The following TVP23A variants were observed in gnomAD, a reference collection of about 807,000 sequenced individuals.
TVP23A encodes trans-golgi network vesicle protein 23 homolog A.
TVP23A carries 21 observed loss-of-function variants against 31.7 expected under a neutral mutation model. The observed-to-expected ratio is 0.66, with a 90% confidence interval of 0.47 to 0.95. The LOEUF is 0.95. Ranked by LOEUF, TVP23A falls within the 40% of genes least tolerant of loss-of-function variation. The pLI is 0.00. For missense variants in TVP23A, 279 were observed against 255.6 expected (o/e 1.09, Z -0.62); for synonymous variants, 104 against 96.0 (o/e 1.08, Z -0.49).
chr16:10,783,542 G>T (rs1444927407), intron 2 of TVP23A, among the ~76,000 whole-genome samples: 3 of 152,086 alleles, frequency 2.0e-5, no homozygotes, highest in Non-Finnish European at 4.4e-5. Flanking sequence ...CGGGCGTGGT[G>T]GCGCGTACCT....
intron 2 of TVP23A, among the ~76,000 whole-genome samples, chr16:10,797,499 C>G (rs943569947): frequency 2.6e-5 from 4 of 151,314 alleles, no homozygotes; most frequent in South Asian, 2.1e-4. Context: ...TTGTGGTGAG[C>G]TGAGATCACG....
intron 2 of TVP23A, among the ~76,000 whole-genome samples, chr16:10,792,229 T>G (rs1197880859): frequency 2.6e-5 from 4 of 152,216 alleles, no homozygotes; most frequent in African/African-American, 9.6e-5. Flanking sequence ...ATTCCTTATG[T>G]GTGTCCATGT....
At chr16:10,766,018 CAG>C (rs1244815762), downstream of TVP23A, 2 of 152,504 alleles carry the variant, frequency 1.3e-5, no homozygotes, top group African/African-American at 4.8e-5. This position sits in a 1 kb window ranked among gnomAD's most constrained non-coding sequence, Gnocchi z 4.8. Context: ...TCACTGGGGA[CAG>C]AGTGGGGGAA....
At chr16:10,791,735 G>A (rs1436632452) in intron 2 of TVP23A, among the ~76,000 whole-genome samples, 1 of 152,202 alleles carries the variant, frequency 6.6e-6, no homozygotes, top group Non-Finnish European at 1.5e-5. Flanking sequence ...AGCCTCCTGA[G>A]TAGCTGGGAC....
chr16:10,810,419 T>A (rs1437967202), intron 2 of TVP23A, among the ~76,000 whole-genome samples: 1 of 151,670 alleles, frequency 6.6e-6, no homozygotes, highest in African/African-American at 2.4e-5. Context: ...TGGTGGTGCA[T>A]GCCTGTAGTC....
In TVP23A at chr16:10,777,123, G is replaced by A. The variant is rs973676476; in HGVS notation, c.90-2027C>T. Among the ~76,000 whole-genome samples the A allele has an allele frequency of 5.9e-5, 9 of 152,168 alleles. No individual in the cohort carries two copies. The highest frequency in any genetic ancestry group is 1.9e-4 in the East Asian group (1 of 5,180). ...AAGATGGAGTTGCTCTGGTTCACAC[G>A]CCTCTGACACAGTGATGGATGAGAA... On this transcript the variant is annotated intron_variant, in intron 2 of 7. Transcript: ENST00000299866. The surrounding 1 kb of genome is among the most constrained non-coding windows in gnomAD (Gnocchi z 4.5).
At chr16:10,761,836 G>A, downstream of TVP23A, 1 of 1,614,078 alleles carries the variant, frequency 6.2e-7, no homozygotes, top group African/African-American at 1.3e-5. Flanking sequence ...CTCCTCGGCA[G>A]AGTGCCCCTG....
chr16:10,772,069 G>A (rs993138878), intron 5 of TVP23A, among the ~76,000 whole-genome samples: 8 of 152,134 alleles, frequency 5.3e-5, no homozygotes, highest in African/African-American at 1.9e-4. Flanking sequence ...CTTTCTAAGA[G>A]CATTTACAGA....
chr16:10,778,325 C>T lies in TVP23A; in HGVS notation c.90-3229G>A, dbSNP rs1265730834. On this transcript the variant is annotated intron_variant, in intron 2 of 7. Transcript: ENST00000299866. ...CTCCAGCTTGGGCAACAGAGCAAATCGCTGTCTCGAAGAATTAGACAGGAT... is the reference window on the plus strand; with the variant it reads ...CTCCAGCTTGGGCAACAGAGCAAATTGCTGTCTCGAAGAATTAGACAGGAT... 1.9e-4 allele frequency among the ~76,000 whole-genome samples: 3 copies of T among 16,040 alleles called. No homozygotes were observed. In the East Asian group the frequency reaches 2.3e-3, roughly 12 times the overall value. 10.5% of individuals were successfully genotyped at this position (16,040 alleles called of 152,430 possible).
At chr16:10,761,908 C>T, downstream of TVP23A, 1 of 1,458,140 alleles carries the variant, frequency 6.9e-7, no homozygotes. Flanking sequence ...GTCAGCCCCA[C>T]AGGCACGGGT....
At chr16:10,766,360 C>A (rs1248334717), downstream of TVP23A, among the ~76,000 whole-genome samples, 1 of 152,138 alleles carries the variant, frequency 6.6e-6, no homozygotes, top group African/African-American at 2.4e-5. This position sits in a 1 kb window ranked among gnomAD's most constrained non-coding sequence, Gnocchi z 4.8. Flanking sequence ...ACCAGCTGTT[C>A]TGATAATGCT....
rs567500581 is a variant in TVP23A, at chr16:10,783,533, G to A, written c.90-8437C>T. 1.2e-3 allele frequency among the ~76,000 whole-genome samples: 181 copies of A among 152,114 alleles called. 2 individuals are homozygous for A. Among genetic ancestry groups the A allele is most frequent in the African/African-American group, 4.2e-3 (174 of 41,500 alleles). ...TCTACTAAAAATACAAAATTTAGCC[G>A]GGCGTGGTGGCGCGTACCTGTAGTC... On this transcript the variant is annotated intron_variant, in intron 2 of 7. Transcript: ENST00000299866.
chr16:10,802,588 A>G (rs2033754782), intron 2 of TVP23A, among the ~76,000 whole-genome samples: 1 of 152,090 alleles, frequency 6.6e-6, no homozygotes, highest in Admixed American at 6.6e-5. Context: ...CCAATTAGTG[A>G]ATCTTGGTAA....
chr16:10,767,872 G>T lies in TVP23A; in HGVS notation c.*1230C>A. The T allele has an allele frequency of 7.4e-7, 1 of 1,352,414 alleles. No homozygotes were observed. 83.8% of individuals were successfully genotyped at this position (1,352,414 alleles called of 1,614,324 possible). ...AAGATCTTCCCATTGTCACCAGCAC[G>T]GAAAGAGCCCCAAGATCTTGTGGCC... is the stretch of plus-strand genomic sequence containing the variant. On this transcript the variant is annotated 3_prime_UTR_variant, in exon 8 of 8. Coordinates refer to ENST00000299866, the MANE Select transcript of TVP23A (RefSeq NM_001079512.4). The surrounding 1 kb of genome is among the most constrained non-coding windows in gnomAD (Gnocchi z 4.6).
At chr16:10,765,428 G>A (rs752779330), downstream of TVP23A, among the ~76,000 whole-genome samples, 2 of 151,620 alleles carry the variant, frequency 1.3e-5, no homozygotes, top group African/African-American at 4.9e-5. The surrounding 1 kb of genome is among the most constrained non-coding windows in gnomAD (Gnocchi z 4.0). Context: ...GATCACTTGA[G>A]CCCAGGGAGG....
intron 2 of TVP23A, among the ~76,000 whole-genome samples, chr16:10,802,670 G>GT (rs969462910): frequency 3.3e-5 from 5 of 151,810 alleles, no homozygotes; most frequent in Non-Finnish European, 7.4e-5. Context: ...AAAGTAAAAA[G>GT]TTTTTTTTAA....
At chr16:10,802,356 TG>T (rs903355735) in intron 2 of TVP23A, among the ~76,000 whole-genome samples, 5 of 149,996 alleles carry the variant, frequency 3.3e-5, no homozygotes, top group African/African-American at 4.9e-5. Flanking sequence ...CTCGGCTCAC[TG>T]CAACCTCTGC....
At chr16:10,765,503 G>T (rs1246794142), downstream of TVP23A, among the ~76,000 whole-genome samples, 3 of 151,972 alleles carry the variant, frequency 2.0e-5, no homozygotes, top group South Asian at 2.1e-4. The surrounding 1 kb of genome is among the most constrained non-coding windows in gnomAD (Gnocchi z 4.0). Flanking sequence ...GCAAGAACCT[G>T]TCTCAAAAAA....
At chr16:10,791,541 C>A (rs1030578984) in intron 2 of TVP23A, among the ~76,000 whole-genome samples, 1 of 152,190 alleles carries the variant, frequency 6.6e-6, no homozygotes, top group Non-Finnish European at 1.5e-5. Context: ...TAGGAAAAGG[C>A]CAAGTTGTGC....
Sources: gnomAD v4.1 joint callset for allele counts (sites outside exome capture counted in the v4.1 genomes callset) on GRCh38, gnomAD v4.1.1 for gene constraint, Gnocchi (gnomAD v3.1) non-coding constraint, MANE v1.5 for transcripts, NCBI Gene and HGNC (gene_info 2026-07-23, HGNC 2026-07-21) for gene names.